Variants in EPHA6 observed in about 807,000 individuals in gnomAD.
The protein encoded by EPHA6 is EPH receptor A6, also known as ephrin type-A receptor 6.
In EPHA6, 50 loss-of-function variants were observed where a neutral mutation model predicts 112.0. The ratio of observed to expected loss-of-function variants is 0.45; its 90% CI spans 0.36 to 0.56. The LOEUF (loss-of-function observed/expected upper bound fraction) is 0.56. Ranked by LOEUF, EPHA6 falls within the 20% of genes least tolerant of loss-of-function variation. The pLI, the probability that EPHA6 is intolerant of heterozygous loss-of-function variation, is 0.00. For synonymous variants in EPHA6, 529 were observed against 490.7 expected (o/e 1.08, Z -1.03); for missense variants, 1,280 against 1,417.4 (o/e 0.90, Z 1.56).
chr3:97,345,568 A>G, intron 5 of EPHA6, among the ~76,000 whole-genome samples: 1 of 152,198 alleles, frequency 6.6e-6, no homozygotes, highest in East Asian at 1.9e-4. Context: ...GTATTGGTCA[A>G]CTATACTAAA....
chr3:96,951,735 A>G (rs1057307882), intron 2 of EPHA6, among the ~76,000 whole-genome samples: 2 of 152,154 alleles, frequency 1.3e-5, no homozygotes, highest in Non-Finnish European at 2.9e-5. Flanking sequence ...ATTAAATCAT[A>G]TCTTTTGATT....
In EPHA6 at chr3:97,095,160, C is replaced by A. The variant is rs114872216; in HGVS notation, c.1114+107167C>A. Among the ~76,000 whole-genome samples the A allele has an allele frequency of 2.5e-3, 383 of 151,962 alleles. 3 individuals are homozygous for A. Among genetic ancestry groups the A allele is most frequent in the African/African-American group, 8.5e-3 (354 of 41,466 alleles). On this transcript the variant is annotated intron_variant, in intron 3 of 17. Transcript: ENST00000389672. The stretch of plus-strand genomic sequence containing the variant: ...AAAGTAAAAATTTTAATGAAAGAAG[C>A]GTAATATTGTTAAAAAGCATCCTGA...
At chr3:97,333,769 G>A (rs552776038) in intron 5 of EPHA6, among the ~76,000 whole-genome samples, 4 of 151,996 alleles carry the variant, frequency 2.6e-5, no homozygotes, top group East Asian at 3.9e-4. Flanking sequence ...TTGACCTATC[G>A]TGCCTGGCCC....
At chr3:97,156,049 G>T (rs975533133) in intron 3 of EPHA6, among the ~76,000 whole-genome samples, 4 of 152,114 alleles carry the variant, frequency 2.6e-5, no homozygotes, top group African/African-American at 9.7e-5. Flanking sequence ...AGTCCCTTTT[G>T]CCATATAAGG....
chr3:97,553,910 G>T (rs1463971247), intron 11 of EPHA6, among the ~76,000 whole-genome samples: 1 of 152,038 alleles, frequency 6.6e-6, no homozygotes, highest in African/African-American at 2.4e-5. Flanking sequence ...CTTTGGTTTT[G>T]ATACTTATAA....
intron 5 of EPHA6, among the ~76,000 whole-genome samples, chr3:97,265,644 G>A (rs112964542): frequency 0.013 from 1,926 of 152,272 alleles, 41 homozygotes; most frequent in African/African-American, 0.044. Context: ...AGAGAAGCCC[G>A]GGTCCTCTGC....
intron 2 of EPHA6, among the ~76,000 whole-genome samples, chr3:96,930,985 CTG>C (rs1298108666): frequency 1.2e-5 from 1 of 85,998 alleles, no homozygotes; most frequent in East Asian, 3.4e-4. Context: ...GAGTGAGACT[CTG>C]TCTCCAAAAA....
intron 2 of EPHA6, among the ~76,000 whole-genome samples, chr3:96,909,077 G>T (rs1202948523): frequency 2.0e-5 from 3 of 151,888 alleles, no homozygotes; most frequent in African/African-American, 7.2e-5. Context: ...TAGACAAATA[G>T]ATCCATATGA....
intron 3 of EPHA6, among the ~76,000 whole-genome samples, chr3:96,993,355 G>T (rs1423316573): frequency 6.6e-6 from 1 of 150,844 alleles, no homozygotes. Context: ...AGAGTACAGT[G>T]GCGCGATCTT....
chr3:97,414,347 T>C (rs1459062507), intron 6 of EPHA6, among the ~76,000 whole-genome samples: 1 of 152,060 alleles, frequency 6.6e-6, no homozygotes, highest in Non-Finnish European at 1.5e-5. Flanking sequence ...TTTCTAATTG[T>C]TAATCAGTAC....
chr3:97,223,393 A>G (rs1026334246), intron 3 of EPHA6, among the ~76,000 whole-genome samples: 1 of 152,204 alleles, frequency 6.6e-6, no homozygotes, highest in Non-Finnish European at 1.5e-5. Context: ...AAGACCTGAT[A>G]TAAAGGAAGG....
At chr3:97,664,359 T>C (rs1411255835) in intron 14 of EPHA6, among the ~76,000 whole-genome samples, 1 of 152,216 alleles carries the variant, frequency 6.6e-6, no homozygotes, top group Non-Finnish European at 1.5e-5. Context: ...ATTTGTCAGT[T>C]TTGGCTTTTG....
intron 6 of EPHA6, among the ~76,000 whole-genome samples, chr3:97,416,210 G>A (rs2107159677): frequency 6.6e-6 from 1 of 152,104 alleles, no homozygotes; most frequent in Middle Eastern, 3.4e-3. Context: ...CTATGTTCCA[G>A]CTCCTGAGCT....
At chr3:96,873,235 G>T (rs550147571) in intron 2 of EPHA6, among the ~76,000 whole-genome samples, 29 of 151,536 alleles carry the variant, frequency 1.9e-4, no homozygotes, top group Non-Finnish European at 2.9e-4. Context: ...CTGCAGTTCA[G>T]CCTGGAAGAC....
intron 2 of EPHA6, among the ~76,000 whole-genome samples, chr3:96,892,288 T>C (rs1419678681): frequency 6.6e-6 from 1 of 151,666 alleles, no homozygotes; most frequent in Non-Finnish European, 1.5e-5. Context: ...TGGTGTGATC[T>C]CGGCTCACTG....
chr3:97,502,759 G>A (rs2092153401), intron 10 of EPHA6, among the ~76,000 whole-genome samples: 2 of 146,860 alleles, frequency 1.4e-5, no homozygotes, highest in South Asian at 4.3e-4. Context: ...ACTTGAACCA[G>A]CGAGGTGGAG....
At chr3:97,733,714 C>A (rs1356212094) in intron 15 of EPHA6, among the ~76,000 whole-genome samples, 1 of 151,948 alleles carries the variant, frequency 6.6e-6, no homozygotes, top group East Asian at 1.9e-4. Context: ...GACTCAGAGG[C>A]ATTAAGAAAT....
intron 5 of EPHA6, among the ~76,000 whole-genome samples, chr3:97,382,104 A>G (rs1459147962): frequency 1.3e-5 from 2 of 152,234 alleles, no homozygotes; most frequent in East Asian, 1.9e-4. Context: ...TAAATAAACT[A>G]TTGTATGCAT....
At chr3:97,003,186 C>T (rs2043734990) in intron 3 of EPHA6, among the ~76,000 whole-genome samples, 1 of 152,144 alleles carries the variant, frequency 6.6e-6, no homozygotes, top group African/African-American at 2.4e-5. Flanking sequence ...CAGTTCACTG[C>T]AACCTCTGCC....
Sources: gnomAD v4.1 joint callset for allele counts (sites outside exome capture counted in the v4.1 genomes callset) on GRCh38, gnomAD v4.1.1 for gene constraint, MANE v1.5 for transcripts, NCBI Gene and HGNC (gene_info 2026-07-23, HGNC 2026-07-21) for gene names.